The following NDRG2 variants were observed in gnomAD, a reference collection of about 807,000 sequenced individuals.
NDRG2 encodes NDRG family member 2.
In NDRG2, 34 loss-of-function variants were observed where a neutral mutation model predicts 58.2. That is an observed-to-expected ratio of 0.58 (90% CI 0.44 to 0.78). The LOEUF (loss-of-function observed/expected upper bound fraction) is 0.78, where lower values mean the gene tolerates loss of function less well. Ranked by LOEUF, NDRG2 falls within the 30% of genes least tolerant of loss-of-function variation. The probability of loss-of-function intolerance (pLI) is 0.00; values close to 1 mark genes in which losing one functional copy is unlikely to be tolerated. For synonymous variants in NDRG2, 187 were observed against 175.9 expected (o/e 1.06, Z -0.50); for missense variants, 434 against 471.2 (o/e 0.92, Z 0.73).
rs113646046 is a variant in NDRG2 at position 21,024,489 on chromosome 14, A to C, written c.-466T>G. The C allele has an allele frequency of 1.9e-4, 190 of 984,194 alleles. 2 individuals are homozygous for C. In the African/African-American group the frequency reaches 2.9e-3, roughly 15 times the overall value. 61.0% of individuals were successfully genotyped at this position (984,194 alleles called of 1,614,324 possible). On this transcript the variant is annotated 5_prime_UTR_variant, in exon 1 of 16. Coordinates refer to ENST00000556147, the MANE Select transcript of NDRG2 (RefSeq NM_001320329.2). The stretch of plus-strand genomic sequence containing the variant: ...AACGCGGGGGAATAGGGGATCCCCA[A>C]AATTTTTGACAGCTCTCCAGTAAGA...
At chr14:21,069,935 A>G (rs1443299607) in intron 1 of NDRG2, among the ~76,000 whole-genome samples, 1 of 152,214 alleles carries the variant, frequency 6.6e-6, no homozygotes, top group Non-Finnish European at 1.5e-5. Context: ...CGCACGCCCC[A>G]GCCTTTGGAG....
Position 21,017,771 on chromosome 14 carries a change from A to G in NDRG2, c.950-9T>C. ...CATGCAGGATGAGGCCACTGTGGAGACAGCACGATGCACAAGCAGTCAGAG... is the reference window on the plus strand; with the variant it reads ...CATGCAGGATGAGGCCACTGTGGAGGCAGCACGATGCACAAGCAGTCAGAG... On this transcript the variant is annotated splice_polypyrimidine_tract_variant and intron_variant, in intron 15 of 15. Coordinates refer to ENST00000556147, the MANE Select transcript of NDRG2 (RefSeq NM_001320329.2). 2 of 1,601,556 alleles carry G rather than the reference A, an allele frequency of 1.2e-6. No homozygotes were observed. The highest frequency in any genetic ancestry group is 1.7e-6 in the Non-Finnish European group (2 of 1,173,574).
intron 1 of NDRG2, among the ~76,000 whole-genome samples, chr14:21,037,798 T>G (rs10498274): frequency 0.3 from 45,812 of 152,158 alleles, 8,061 homozygotes; most frequent in Admixed American, 0.38. Context: ...TGTGTATTGA[T>G]AGTTCACCAT....
At chr14:21,040,672 G>A (rs1884847409) in intron 1 of NDRG2, among the ~76,000 whole-genome samples, 2 of 152,162 alleles carry the variant, frequency 1.3e-5, no homozygotes, top group African/African-American at 4.8e-5. Flanking sequence ...AGCCACACTG[G>A]ACACACTGCT....
rs982240773 is a variant in NDRG2 at position 21,035,595 on chromosome 14, G to A, written c.25-12274C>T. ...TTTACCTTTGCTGGGCAGCAGAAAA[G>A]GGGAGTCAGAACACAGAAAGCTGAG... On this transcript the variant is annotated intron_variant, in intron 1 of 14. Transcript: ENST00000403829. Among the ~76,000 whole-genome samples the A allele has an allele frequency of 3.3e-5, 5 of 152,136 alleles. No homozygotes were observed. The East Asian group carries it at 7.7e-4, about 23-fold the overall frequency.
chr14:21,030,521 C>T (rs559613182), upstream of NDRG2: 15 of 1,540,558 alleles, frequency 9.7e-6, no homozygotes, highest in East Asian at 4.6e-5. Flanking sequence ...AGTCCTCCCT[C>T]CCCCTTCTCC....
At chr14:21,032,015 G>C in intron 1 of NDRG2, 1 of 1,614,164 alleles carries the variant, frequency 6.2e-7, no homozygotes, top group Admixed American at 1.7e-5. Flanking sequence ...AGAGATGACT[G>C]ACAACACAGG....
upstream of NDRG2, chr14:21,025,855 A>C: frequency 2.8e-5 from 4 of 143,238 alleles, no homozygotes; most frequent in Non-Finnish European, 5.3e-5. The surrounding 1 kb of genome is among the most constrained non-coding windows in gnomAD (Gnocchi z 5.1). Flanking sequence ...CAATGCCTCA[A>C]GGGGCGCGGG....
chr14:21,043,235 C>T (rs1566496580), intron 1 of NDRG2: 1 of 1,614,190 alleles, frequency 6.2e-7, no homozygotes, highest in East Asian at 2.2e-5. Flanking sequence ...GTGTGGCCGC[C>T]ACCTGCCAGA....
intron 1 of NDRG2, among the ~76,000 whole-genome samples, chr14:21,050,285 C>T (rs1398118905): frequency 2.0e-5 from 3 of 152,206 alleles, no homozygotes; most frequent in Admixed American, 1.3e-4. Context: ...GCAAACTAGT[C>T]AAGCATGTCC....
intron 1 of NDRG2, among the ~76,000 whole-genome samples, chr14:21,060,537 T>C (rs1885904472): frequency 6.6e-6 from 1 of 152,160 alleles, no homozygotes; most frequent in Non-Finnish European, 1.5e-5. Flanking sequence ...TGTACTCTAC[T>C]TGAGTGACTT....
At chr14:21,043,089 A>G in intron 1 of NDRG2, 1 of 1,614,220 alleles carries the variant, frequency 6.2e-7, no homozygotes. Context: ...GCCCAAGGGC[A>G]TGACCTCATC....
At position 21,058,050 on chromosome 14, in the gene NDRG2, C is replaced by T. The variant is rs1885760158; in HGVS notation, c.24+12778G>A. 6.2e-7 allele frequency: 1 copy of T among 1,614,044 alleles called. No individual in the cohort carries two copies. Among genetic ancestry groups the T allele is most frequent in the Non-Finnish European group, 8.5e-7 (1 of 1,180,048 alleles). ...CCCAGCCCTCAAGCATGCAACTCAGCCATGAGCATCATCAATAAGTACACA... is the reference window on the plus strand; with the variant it reads ...CCCAGCCCTCAAGCATGCAACTCAGTCATGAGCATCATCAATAAGTACACA... On this transcript the variant is annotated intron_variant, in intron 1 of 14. Transcript: ENST00000403829.
intron 1 of NDRG2, among the ~76,000 whole-genome samples, chr14:21,050,599 A>C (rs1885418287): frequency 6.6e-6 from 1 of 152,162 alleles, no homozygotes; most frequent in Non-Finnish European, 1.5e-5. Context: ...AAAACACCTA[A>C]AGTAGTGCCC....
upstream of NDRG2, chr14:21,029,342 T>C (rs1883905238): frequency 6.6e-6 from 1 of 152,264 alleles, no homozygotes; most frequent in Admixed American, 6.5e-5. Flanking sequence ...GGGTCACACC[T>C]GTAATCCCAG....
intron 1 of NDRG2, among the ~76,000 whole-genome samples, chr14:21,056,319 T>C (rs1885672611): frequency 6.6e-6 from 1 of 152,230 alleles, no homozygotes. Context: ...AATAATACGC[T>C]AAATATATAT....
At chr14:21,041,869 A>G (rs1884912261) in intron 1 of NDRG2, among the ~76,000 whole-genome samples, 1 of 152,112 alleles carries the variant, frequency 6.6e-6, no homozygotes, top group African/African-American at 2.4e-5. Context: ...TCATTCACCC[A>G]CTTCCCTCGT....
At chr14:21,019,022 GTTCCCTGGCAAAAGA>G in intron 11 of NDRG2, 79 bp downstream of exon 11, 1 of 1,411,330 alleles carries the variant, frequency 7.1e-7, no homozygotes, top group Non-Finnish European at 9.7e-7. Flanking sequence ...TGACAAGGAA[GTTCCCTGGCAAAAGA>G]TTCTCCTTCT....
At chr14:21,047,038 T>A (rs1334157403) in intron 1 of NDRG2, 1 of 152,116 alleles carries the variant, frequency 6.6e-6, no homozygotes, top group Non-Finnish European at 1.5e-5. Context: ...TCATTGTTGA[T>A]CAAGGGACAT....
Sources: allele counts gnomAD v4.1 joint callset (sites outside exome capture counted in the v4.1 genomes callset), GRCh38; gene constraint gnomAD v4.1.1; non-coding constraint Gnocchi (gnomAD v3.1); transcripts MANE v1.5; gene names NCBI Gene and HGNC (gene_info 2026-07-23, HGNC 2026-07-21).